VWA8: variants seen among roughly 807,000 people sequenced by gnomAD.
VWA8 encodes the protein von Willebrand factor A domain-containing protein 8.
A neutral mutation model predicts 241.5 loss-of-function variants in VWA8; 221 were observed. The ratio of observed to expected loss-of-function variants is 0.91; its 90% confidence interval spans 0.82 to 1.02. VWA8 has a LOEUF of 1.02. Ranked by LOEUF, VWA8 falls within the 50% of genes least tolerant of loss-of-function variation. VWA8 has a pLI of 0.00. For missense variants in VWA8, 2,322 were observed against 2,328.7 expected (o/e 1.00, Z 0.06); for synonymous variants, 852 against 827.1 (o/e 1.03, Z -0.52).
At chr13:41,926,049 GT>G in intron 2 of VWA8, 1 of 451,248 alleles carries the variant, frequency 2.2e-6, no homozygotes, top group Non-Finnish European at 4.2e-6. Flanking sequence ...AGGAGAGGGG[GT>G]CAAGTTGCAA....
chr13:41,804,894 C>T (rs7350687), intron 17 of VWA8, among the ~76,000 whole-genome samples: 4 of 151,976 alleles, frequency 2.6e-5, no homozygotes, highest in South Asian at 2.1e-4. Flanking sequence ...ATGGTAACCT[C>T]GAACCAAAAA....
intron 26 of VWA8, among the ~76,000 whole-genome samples, chr13:41,712,625 C>T (rs892466790): frequency 2.6e-5 from 4 of 152,260 alleles, no homozygotes; most frequent in South Asian, 2.1e-4. Flanking sequence ...TATTGCATGG[C>T]TTTTCCCATG....
intron 14 of VWA8, among the ~76,000 whole-genome samples, chr13:41,827,935 T>C (rs530376852): frequency 7.9e-5 from 12 of 152,346 alleles, no homozygotes; most frequent in African/African-American, 2.9e-4. Context: ...GCAGGCATGC[T>C]GTGAACTATT....
intron 40 of VWA8, among the ~76,000 whole-genome samples, chr13:41,598,411 A>G (rs1317500377): frequency 1.3e-5 from 2 of 151,964 alleles, no homozygotes; most frequent in African/African-American, 4.8e-5. Flanking sequence ...ATGATTCTTG[A>G]TATTTGAGTT....
At chr13:41,648,570 G>C (rs1347558131) in intron 37 of VWA8, among the ~76,000 whole-genome samples, 2 of 152,160 alleles carry the variant, frequency 1.3e-5, no homozygotes, top group African/African-American at 4.8e-5. Context: ...ATGGCAAAAG[G>C]AATTTCATCT....
At chr13:41,792,713 T>G (rs952427207) in intron 17 of VWA8, among the ~76,000 whole-genome samples, 2 of 152,074 alleles carry the variant, frequency 1.3e-5, no homozygotes, top group Non-Finnish European at 2.9e-5. Flanking sequence ...CAATACTAAA[T>G]CTTCCATTTA....
In VWA8 at chr13:41,761,071, GA is replaced by G. The variant is rs1175446290; in HGVS notation, c.2426+56del. 8.4e-6 allele frequency: 13 copies of G among 1,544,122 alleles called. No homozygotes were observed. In the Admixed American group the frequency reaches 1.1e-4, roughly 13 times the overall value. On this transcript the variant is annotated intron_variant, in intron 21 of 44. Coordinates refer to ENST00000379310, the MANE Select transcript of VWA8 (RefSeq NM_015058.2). Reference sequence around the variant, plus strand: ...AGAAAGTATTTTTAAATTGTACCAGGAGGGAAACAAATGATTAAATGAGATT... The same window carrying G: ...AGAAAGTATTTTTAAATTGTACCAGGGGGAAACAAATGATTAAATGAGATT...
At chr13:41,919,229 G>C (rs1876399757) in intron 2 of VWA8, among the ~76,000 whole-genome samples, 1 of 152,152 alleles carries the variant, frequency 6.6e-6, no homozygotes. Context: ...CCTATTTGGG[G>C]ATCAGCTTGG....
chr13:41,784,483 A>T (rs929051432), intron 18 of VWA8, among the ~76,000 whole-genome samples: 5 of 151,556 alleles, frequency 3.3e-5, no homozygotes, highest in African/African-American at 1.2e-4. Context: ...GGTAACACAG[A>T]GAGACCCTGT....
chr13:41,739,857 G>GTTTTTTTTTT (rs368778376), intron 21 of VWA8, among the ~76,000 whole-genome samples: 2 of 64,498 alleles, frequency 3.1e-5, no homozygotes, highest in Admixed American at 1.7e-4. Flanking sequence ...TGTTTTTTTT[G>GTTTTTTTTTT]TTTTTTTTTT....
Position 41,583,873 on chromosome 13 carries a change from T to C in VWA8, c.5271+3639A>G, listed in dbSNP as rs1014968269. Among the ~76,000 whole-genome samples, 22 of 152,038 alleles carry C rather than the reference T, an allele frequency of 1.4e-4. 1 individual carries two copies. Among genetic ancestry groups the C allele is most frequent in the Admixed American group, 9.8e-4 (15 of 15,268 alleles). Reference sequence around the variant, plus strand: ...GATATTTTTGGGACAACTGATAAAATTGAATTTGAGTTGGATATTATAAGA... The same window carrying C: ...GATATTTTTGGGACAACTGATAAAACTGAATTTGAGTTGGATATTATAAGA... On this transcript the variant is annotated intron_variant, in intron 42 of 44. Transcript: ENST00000379310.
intron 37 of VWA8, among the ~76,000 whole-genome samples, chr13:41,616,896 T>A (rs1004393247): frequency 3.3e-5 from 5 of 152,188 alleles, no homozygotes; most frequent in African/African-American, 1.2e-4. Flanking sequence ...ACCCTCTAGA[T>A]GTACTCCATG....
At chr13:41,747,675 C>A (rs1269383478) in intron 21 of VWA8, among the ~76,000 whole-genome samples, 1 of 74,300 alleles carries the variant, frequency 1.3e-5, no homozygotes, top group African/African-American at 3.1e-5. Context: ...CTGTCTTGTG[C>A]CATTTTCAAA....
Position 41,891,201 on chromosome 13 carries a change from C to CAAA in VWA8, c.651+216_651+218dup, listed in dbSNP as rs11422492. Among the ~76,000 whole-genome samples, 7 of 136,500 alleles carry CAAA rather than the reference C, an allele frequency of 5.1e-5. No homozygotes were observed. In the East Asian group the frequency reaches 6.3e-4, roughly 12 times the overall value. The allele number at this position is 136,500 out of a possible 152,430, so 89.5% of individuals were successfully genotyped here. A position where few individuals can be genotyped will look rare whatever the true frequency, so the allele number is the denominator to read the frequency against. ...AAAAGAGAATAGTTATTAGACTGAC[C>CAAA]AAAAAAAAAAAAGACAGTAAAAATC... is the stretch of plus-strand genomic sequence containing the variant. On this transcript the variant is annotated intron_variant, in intron 5 of 44. Coordinates refer to ENST00000379310, the MANE Select transcript of VWA8 (RefSeq NM_015058.2).
chr13:41,960,873 G>A lies in VWA8; in HGVS notation c.143C>T (p.Ala48Val), dbSNP rs746669100. 1.8e-5 allele frequency: 27 copies of A among 1,518,862 alleles called. No homozygotes were observed. The South Asian group carries it at 2.9e-4, about 16-fold the overall frequency. The allele number at this position is 1,518,862 out of a possible 1,614,324, so 94.1% of individuals were successfully genotyped here. A position where few individuals can be genotyped will look rare whatever the true frequency, so the allele number is the denominator to read the frequency against. ...GTTACCTGTGTCGGCCCCCGAGCCG[G>A]CGTGCAACAGTCTGACCTCCGGCCG... ...RQRPEVRLLH[A>V]GSGADTGDTV... Residue 48 changes from alanine (A) to valine (V), a missense_variant, in exon 1 of 45, where the codon GCC (alanine) becomes GTC (valine). Transcript: ENST00000379310.
intron 39 of VWA8, among the ~76,000 whole-genome samples, chr13:41,607,540 T>A (rs539171740): frequency 2.8e-4 from 43 of 152,252 alleles, no homozygotes; most frequent in African/African-American, 9.6e-4. Flanking sequence ...ACCTACCCCT[T>A]CATACCTAAA....
At chr13:41,960,005 A>G (rs1878538520) in intron 1 of VWA8, among the ~76,000 whole-genome samples, 1 of 152,230 alleles carries the variant, frequency 6.6e-6, no homozygotes, top group African/African-American at 2.4e-5. Flanking sequence ...TGTTATTCCA[A>G]GCAGCACTGA....
At chr13:41,890,765 C>CT (rs1874798225) in intron 5 of VWA8, among the ~76,000 whole-genome samples, 1 of 152,148 alleles carries the variant, frequency 6.6e-6, no homozygotes, top group Non-Finnish European at 1.5e-5. Context: ...GAATTTTACT[C>CT]TGAGTGGAAC....
chr13:41,949,973 T>C lies in VWA8; in HGVS notation c.204A>G (p.Lys68=). Residue 68 remains lysine (K), a synonymous_variant, in exon 2 of 45, where the codon AAA becomes AAG. Coordinates refer to ENST00000379310, the MANE Select transcript of VWA8 (RefSeq NM_015058.2). ...GCACAAGTTCTGGATTCTTAGGAATTTTCAACTTGTAGGATACATCTCCAA... is the reference window on the plus strand; with the variant it reads ...GCACAAGTTCTGGATTCTTAGGAATCTTCAACTTGTAGGATACATCTCCAA... ...VNIGDVSYKL[K]IPKNPELVPQ... 6.3e-7 allele frequency: 1 copy of C among 1,596,340 alleles called. No individual in the cohort carries two copies. The highest frequency in any genetic ancestry group is 8.6e-7 in the Non-Finnish European group (1 of 1,169,156).
Sources: allele counts gnomAD v4.1 joint callset (sites outside exome capture counted in the v4.1 genomes callset), GRCh38; gene constraint gnomAD v4.1.1; transcripts MANE v1.5; gene names NCBI Gene and HGNC (gene_info 2026-07-23, HGNC 2026-07-21).